Variants in CMC4 observed in about 807,000 individuals in gnomAD.
CMC4 encodes cx9C motif-containing protein 4.
A neutral mutation model predicts 5.1 loss-of-function variants in CMC4; 4 were observed. The ratio of observed to expected loss-of-function variants is 0.78; its 90% CI spans 0.38 to 1.78. The LOEUF is 1.78. Ranked by LOEUF, CMC4 falls within the 40% of genes most tolerant of loss-of-function variation. CMC4 has a pLI of 0.04. For missense variants in CMC4, 52 were observed against 51.3 expected, an observed-to-expected ratio of 1.01 and a Z score of -0.04; for synonymous variants, 23 against 18.9, an observed-to-expected ratio of 1.22 and a Z score of -0.57.
intron 1 of CMC4, among the ~76,000 whole-genome samples, chrX:155,068,464 G>C (rs2073957282): frequency 8.9e-6 from 1 of 112,263 alleles, no homozygotes; most frequent in East Asian, 2.8e-4. Flanking sequence ...AGCATTCAGA[G>C]GGCATGCAGG....
In CMC4 at chrX:155,061,882, T is replaced by C. The variant is rs782641568; in HGVS notation, c.168A>G (p.Glu56=). ...RSVVCSGFEK[E]EEENLTRKSA... The stretch of plus-strand genomic sequence containing the variant: ...ACTTCCGTGTTAGGTTTTCTTCCTC[T>C]TCTTTTTCAAATCCTGAACAGACGA... The change falls in exon 3 of 3, where the codon GAA becomes GAG. Residue 56 remains glutamate, a synonymous_variant. Transcript: ENST00000369484. 2 of 1,209,663 alleles carry C rather than the reference T, an allele frequency of 1.7e-6. No individual in the cohort carries two copies. Among genetic ancestry groups the C allele is most frequent in the African/African-American group, 3.5e-5 (2 of 57,292 alleles).
intron 1 of CMC4, chrX:155,065,442 C>T: frequency 8.7e-7 from 1 of 1,151,427 alleles, no homozygotes; most frequent in Non-Finnish European, 1.2e-6. Context: ...TGAATAGAGC[C>T]AAAACAAAGA....
At chrX:155,068,561 C>T (rs2073957578) in intron 1 of CMC4, among the ~76,000 whole-genome samples, 1 of 112,131 alleles carries the variant, frequency 8.9e-6, no homozygotes, top group Admixed American at 9.4e-5. Flanking sequence ...AATGCAAAGG[C>T]TGAGGGAGAG....
chrX:155,062,719 T>C (rs1005913307), intron 2 of CMC4, among the ~76,000 whole-genome samples: 5 of 111,500 alleles, frequency 4.5e-5, no homozygotes, highest in African/African-American at 1.6e-4. Context: ...AAAGGCAGTA[T>C]AGCAAGGTGG....
chrX:155,064,059 T>G, intron 1 of CMC4, 26 bp from the exon 2 acceptor site: 1 of 1,148,577 alleles, frequency 8.7e-7, no homozygotes, highest in Admixed American at 2.7e-5. Context: ...TGATTTTTAT[T>G]TTTCTTTTTT....
intron 1 of CMC4, among the ~76,000 whole-genome samples, chrX:155,066,744 G>GA (rs1387103566): frequency 8.9e-6 from 1 of 112,143 alleles, no homozygotes; most frequent in Non-Finnish European, 1.9e-5. Context: ...GAGTGCAAAT[G>GA]AAAGTTATCC....
In CMC4 at chrX:155,067,180, C is replaced by T. The variant is rs189694421; in HGVS notation, c.-10-3147G>A. On this transcript the variant is annotated intron_variant, in intron 1 of 2. Transcript: ENST00000369484. ...GTTAGAGTCCTCAAAGTGAGACTGTCGAGAGCAACCAGATGCTTCACCCAT... is the reference window on the plus strand; with the variant it reads ...GTTAGAGTCCTCAAAGTGAGACTGTTGAGAGCAACCAGATGCTTCACCCAT... 5.4e-5 allele frequency among the ~76,000 whole-genome samples: 6 copies of T among 111,639 alleles called. No homozygotes were observed. The East Asian group carries it at 1.4e-3, about 26-fold the overall frequency.
intron 1 of CMC4, chrX:155,066,086 G>T: frequency 1.2e-6 from 1 of 835,853 alleles, no homozygotes; most frequent in Non-Finnish European, 1.7e-6. Flanking sequence ...GGACACAGGT[G>T]TGACTTTTTG....
intron 2 of CMC4, 146 bp from the exon 3 acceptor site, chrX:155,062,137 C>A: frequency 1.8e-6 from 1 of 547,387 alleles, no homozygotes; most frequent in Non-Finnish European, 2.6e-6. Flanking sequence ...TGAATTCTTT[C>A]TAATTTAGAG....
intron 1 of CMC4, among the ~76,000 whole-genome samples, chrX:155,069,949 G>T (rs1255276798): frequency 8.9e-6 from 1 of 112,509 alleles, no homozygotes; most frequent in East Asian, 2.8e-4. Flanking sequence ...GCCACAAACA[G>T]TAACTGAAAA....
At chrX:155,068,500 C>G (rs1237517782) in intron 1 of CMC4, among the ~76,000 whole-genome samples, 1 of 112,069 alleles carries the variant, frequency 8.9e-6, no homozygotes, top group Non-Finnish European at 1.9e-5. Flanking sequence ...CTGCAGTGAT[C>G]AAGGGACAGA....
At chrX:155,063,616 G>A (rs782065731) in intron 2 of CMC4, among the ~76,000 whole-genome samples, 3 of 112,001 alleles carry the variant, frequency 2.7e-5, no homozygotes, top group African/African-American at 9.7e-5. Context: ...TGAATTGTCA[G>A]CTGCAGTGAA....
chrX:155,068,658 G>C (rs1188732569), intron 1 of CMC4, among the ~76,000 whole-genome samples: 1 of 112,350 alleles, frequency 8.9e-6, no homozygotes, highest in Non-Finnish European at 1.9e-5. Flanking sequence ...ATTTTCCTTG[G>C]TCAAATAAGT....
rs1157500709 is a variant in CMC4, at chrX:155,065,805, G to A, written c.-10-1772C>T. On this transcript the variant is annotated intron_variant, in intron 1 of 2. Coordinates refer to ENST00000369484, the MANE Select transcript of CMC4 (RefSeq NM_001018024.3). The stretch of plus-strand genomic sequence containing the variant: ...AACTCGTCTCCTAATGGAAAGGAAT[G>A]ATCAAAAATAAAACCAAAGACTTCA... The A allele has an allele frequency of 2.5e-6, 3 of 1,206,905 alleles. No homozygotes were observed. In the East Asian group the frequency reaches 8.9e-5, roughly 36 times the overall value.
chrX:155,061,795 A>T lies in CMC4; in HGVS notation c.*48T>A, dbSNP rs1177097655. 1.7e-6 allele frequency: 2 copies of T among 1,166,512 alleles called. No individual in the cohort carries two copies. Among genetic ancestry groups the T allele is most frequent in the Non-Finnish European group, 2.3e-6 (2 of 868,303 alleles). On this transcript the variant is annotated 3_prime_UTR_variant, in exon 3 of 3. Coordinates refer to ENST00000369484, the MANE Select transcript of CMC4 (RefSeq NM_001018024.3). ...ACCTGGCCTGAAGAGTCAGGAGGAT[A>T]AAAAAAATTCATTTGGTGGAAACAT...
chrX:155,065,589 C>A, intron 1 of CMC4: 1 of 1,209,336 alleles, frequency 8.3e-7, no homozygotes, highest in Non-Finnish European at 1.1e-6. Flanking sequence ...AGTCCCAGTA[C>A]AATGGAAAAT....
At chrX:155,065,270 T>A (rs1407231024) in intron 1 of CMC4, 15 of 433,551 alleles carry the variant, frequency 3.5e-5, no homozygotes, top group Non-Finnish European at 5.7e-5. Flanking sequence ...GCTAAACTTC[T>A]GTTTCTTGAG....
At chrX:155,067,914 A>G (rs1488918619) in intron 1 of CMC4, among the ~76,000 whole-genome samples, 1 of 112,488 alleles carries the variant, frequency 8.9e-6, no homozygotes, top group Non-Finnish European at 1.9e-5. Context: ...GCCTCTGGCT[A>G]TATATAATTT....
At chrX:155,068,992 G>A (rs2073959154) in intron 1 of CMC4, among the ~76,000 whole-genome samples, 1 of 112,300 alleles carries the variant, frequency 8.9e-6, no homozygotes, top group Non-Finnish European at 1.9e-5. Flanking sequence ...TCCACTAGAA[G>A]AGATTGTCCC....
Sources: gnomAD v4.1 joint callset for allele counts (sites outside exome capture counted in the v4.1 genomes callset) on GRCh38, gnomAD v4.1.1 for gene constraint, MANE v1.5 for transcripts, NCBI Gene and HGNC (gene_info 2026-07-23, HGNC 2026-07-21) for gene names.